CACNA1C: variants seen among roughly 807,000 people sequenced by gnomAD.
CACNA1C encodes the protein voltage-dependent L-type calcium channel subunit alpha-1C.
CACNA1C carries 30 observed loss-of-function variants against 229.0 expected under a neutral mutation model. The observed-to-expected ratio is 0.13, with a 90% CI of 0.10 to 0.18. The LOEUF is 0.18. Among genes scored for constraint, CACNA1C ranks in the 10% least tolerant of loss-of-function variants. CACNA1C has a pLI of 1.00. For synonymous variants in CACNA1C, 1,114 were observed against 1,132.5 expected (o/e 0.98, Z 0.33); for missense variants, 1,658 against 2,845.0 (o/e 0.58, Z 9.49).
chr12:1,978,312 GT>G (rs2035055610), intron 1 of CACNA1C, among the ~76,000 whole-genome samples: 1 of 152,150 alleles, frequency 6.6e-6, no homozygotes, highest in South Asian at 2.1e-4. Context: ...CTGAAGATGT[GT>G]TTTAGAACAA....
In CACNA1C at chr12:2,102,185, C is replaced by T. The variant is rs555186553; in HGVS notation, c.50-13039C>T. Among the ~76,000 whole-genome samples, 94 of 152,254 alleles carry T rather than the reference C, an allele frequency of 6.2e-4. 3 individuals are homozygous for T. In the South Asian group the frequency reaches 0.019, roughly 30 times the overall value. ...TGGCAAACATACTAATTTAAAATAA[C>T]GGAAGAGCATCTTCCCCGTATACTT... On this transcript the variant is annotated intron_variant, in intron 1 of 46. Coordinates refer to ENST00000399655, the MANE Select transcript of CACNA1C (RefSeq NM_000719.7).
At chr12:2,536,327 A>G (rs909289275) in intron 9 of CACNA1C, among the ~76,000 whole-genome samples, 1 of 152,216 alleles carries the variant, frequency 6.6e-6, no homozygotes, top group Non-Finnish European at 1.5e-5. Context: ...ACTTCCGTAC[A>G]GGAGAGGGAG....
intron 1 of CACNA1C, among the ~76,000 whole-genome samples, chr12:2,110,558 C>T (rs143497533): frequency 2.6e-5 from 4 of 152,296 alleles, no homozygotes; most frequent in South Asian, 2.1e-4. Context: ...GTGGTGATTT[C>T]GTGCTAACAA....
At chr12:2,527,052 C>T (rs946444819) in intron 9 of CACNA1C, among the ~76,000 whole-genome samples, 1 of 152,068 alleles carries the variant, frequency 6.6e-6, no homozygotes, top group Admixed American at 6.5e-5. Context: ...TAAAGTTATT[C>T]AGTGTTTTGT....
chr12:2,366,678 T>G (rs570720199), intron 3 of CACNA1C, among the ~76,000 whole-genome samples: 64 of 152,330 alleles, frequency 4.2e-4, no homozygotes, highest in African/African-American at 1.4e-3. Flanking sequence ...CCCAACCTTT[T>G]TGGCAGCAGG....
chr12:2,400,583 T>C (rs2098663398), intron 3 of CACNA1C, among the ~76,000 whole-genome samples: 1 of 152,182 alleles, frequency 6.6e-6, no homozygotes, highest in African/African-American at 2.4e-5. Context: ...AACGAGATAA[T>C]GCAAATAACG....
At position 2,132,032 on chromosome 12, in the gene CACNA1C, G is replaced by C. The variant is rs2092345344; in HGVS notation, c.477+11602G>C. ...AAGAGGTCCTTCACAACCCTTGTAAGTTGGATTCCTAGGTATTTTATTCTC... is the reference window on the plus strand; with the variant it reads ...AAGAGGTCCTTCACAACCCTTGTAACTTGGATTCCTAGGTATTTTATTCTC... On this transcript the variant is annotated intron_variant, in intron 3 of 46. Transcript: ENST00000399655. 4.3e-5 allele frequency among the ~76,000 whole-genome samples: 4 copies of C among 93,422 alleles called. No homozygotes were observed. The South Asian group carries it at 1.4e-3, about 32-fold the overall frequency. 61.3% of individuals were successfully genotyped at this position (93,422 alleles called of 152,430 possible).
At chr12:2,115,636 C>A (rs1198521118) in intron 2 of CACNA1C, 91 bp downstream of exon 2, 7 of 1,263,120 alleles carry the variant, frequency 5.5e-6, no homozygotes, top group Non-Finnish European at 7.9e-6. Context: ...GCTGTGTCAG[C>A]TGTGCTGGGC....
chr12:2,534,731 CCTT>C (rs1443011768), intron 9 of CACNA1C, among the ~76,000 whole-genome samples: 1 of 152,226 alleles, frequency 6.6e-6, no homozygotes, highest in Non-Finnish European at 1.5e-5. Flanking sequence ...CTGCAGTTCT[CCTT>C]CTTTAGTGCA....
chr12:2,503,513 TAATA>T (rs2099765110), intron 7 of CACNA1C, among the ~76,000 whole-genome samples: 1 of 152,248 alleles, frequency 6.6e-6, no homozygotes, highest in Non-Finnish European at 1.5e-5. Flanking sequence ...AGTGGTGAGC[TAATA>T]AATGTTTAAG....
At chr12:2,537,248 A>G (rs1053330385) in intron 9 of CACNA1C, among the ~76,000 whole-genome samples, 1 of 152,234 alleles carries the variant, frequency 6.6e-6, no homozygotes, top group African/African-American at 2.4e-5. Flanking sequence ...ATTCTAGCTA[A>G]GAGGATGGAC....
intron 1 of CACNA1C, among the ~76,000 whole-genome samples, chr12:1,981,920 A>G (rs762472716): frequency 1.1e-4 from 17 of 152,194 alleles, no homozygotes; most frequent in Non-Finnish European, 1.6e-4. Context: ...GGGAAAGTGT[A>G]TATGTAGTTG....
rs146397460 is a variant in CACNA1C at position 2,405,591 on chromosome 12, G to A, written c.478-43385G>A. Among the ~76,000 whole-genome samples, 15 of 152,220 alleles carry A rather than the reference G, an allele frequency of 9.9e-5. No homozygotes were observed. The East Asian group carries it at 2.9e-3, about 29-fold the overall frequency. On this transcript the variant is annotated intron_variant, in intron 3 of 46. Coordinates refer to ENST00000399655, the MANE Select transcript of CACNA1C (RefSeq NM_000719.7). ...AGTGTTTTTGAGTATATCTCTTCGTGTAGCTGTTTTGTGGTTGCTCTAAGT... is the reference window on the plus strand; with the variant it reads ...AGTGTTTTTGAGTATATCTCTTCGTATAGCTGTTTTGTGGTTGCTCTAAGT...
intron 11 of CACNA1C, among the ~76,000 whole-genome samples, chr12:2,561,296 T>C (rs1409194591): frequency 1.3e-5 from 2 of 152,196 alleles, no homozygotes; most frequent in Non-Finnish European, 2.9e-5. Flanking sequence ...CCTTCTCGCC[T>C]AAGGTGTCCT....
intron 3 of CACNA1C, among the ~76,000 whole-genome samples, chr12:2,213,888 C>A (rs1434507204): frequency 6.6e-6 from 1 of 152,218 alleles, no homozygotes; most frequent in Non-Finnish European, 1.5e-5. Flanking sequence ...AGCTGTAGCC[C>A]ATTTTCTCAT....
intron 1 of CACNA1C, among the ~76,000 whole-genome samples, chr12:2,083,653 T>C (rs747811724): frequency 1.3e-5 from 2 of 152,246 alleles, no homozygotes; most frequent in Admixed American, 6.5e-5. Flanking sequence ...GTGTAAACTT[T>C]AAAACAATAC....
chr12:2,600,607 C>G (rs1172739490), intron 21 of CACNA1C, among the ~76,000 whole-genome samples: 1 of 152,190 alleles, frequency 6.6e-6, no homozygotes, highest in Non-Finnish European at 1.5e-5. Flanking sequence ...CGCAAGTCGG[C>G]AAAATGAGAA....
intron 3 of CACNA1C, among the ~76,000 whole-genome samples, chr12:2,309,381 C>T (rs552651130): frequency 6.6e-6 from 1 of 152,220 alleles, no homozygotes; most frequent in Admixed American, 6.5e-5. Flanking sequence ...GGGTTATAAA[C>T]TTGGCAATCT....
At chr12:2,351,724 G>A (rs752918823) in intron 3 of CACNA1C, among the ~76,000 whole-genome samples, 5 of 152,198 alleles carry the variant, frequency 3.3e-5, no homozygotes, top group Non-Finnish European at 7.3e-5. Context: ...AGCATTGCAC[G>A]CCTGTGTCCT....
Sources: allele counts gnomAD v4.1 joint callset (sites outside exome capture counted in the v4.1 genomes callset), GRCh38; gene constraint gnomAD v4.1.1; transcripts MANE v1.5; gene names NCBI Gene and HGNC (gene_info 2026-07-23, HGNC 2026-07-21).